CAMK2B: variants seen among roughly 807,000 people sequenced by gnomAD.
The protein encoded by CAMK2B is calcium/calmodulin-dependent protein kinase type II subunit beta.
CAMK2B carries 27 observed loss-of-function variants against 93.7 expected under a neutral mutation model. The observed-to-expected ratio is 0.29, with a 90% CI of 0.21 to 0.40. CAMK2B has a LOEUF of 0.40. Among genes scored for constraint, CAMK2B ranks in the 10% least tolerant of loss-of-function variants. The pLI, the probability that CAMK2B is intolerant of heterozygous loss-of-function variation, is 1.00. For missense variants in CAMK2B, 568 were observed against 895.8 expected (o/e 0.63, Z 4.67); for synonymous variants, 374 against 358.8 (o/e 1.04, Z -0.48).
chr7:44,233,583 C>A (rs946385451), intron 15 of CAMK2B, among the ~76,000 whole-genome samples: 1 of 152,146 alleles, frequency 6.6e-6, no homozygotes, highest in Admixed American at 6.5e-5. Context: ...CAGCAAGCCC[C>A]AAAGCTCTTA....
In CAMK2B at chr7:44,220,171, C is replaced by T. The variant is rs375830029; in HGVS notation, c.1892G>A (p.Arg631Gln). ...CTCCTCAGACTGGCTGGTGCGGGGC[C>T]GGCCCTGCCCGTCAATGTACTGCGT... is the stretch of plus-strand genomic sequence containing the variant. ...RLTQYIDGQG[R>Q]PRTSQSEETR... The change falls in exon 23 of 24, where the codon CGG (arginine) becomes CAG (glutamine). Residue 631 changes from arginine (R) to glutamine (Q), a missense_variant. Transcript: ENST00000395749. 9.3e-6 allele frequency: 15 copies of T among 1,611,782 alleles called. No homozygotes were observed. The highest frequency in any genetic ancestry group is 2.2e-5 in the East Asian group (1 of 44,828).
At chr7:44,294,740 G>T (rs903265380) in intron 1 of CAMK2B, among the ~76,000 whole-genome samples, 4 of 152,102 alleles carry the variant, frequency 2.6e-5, no homozygotes, top group Admixed American at 6.5e-5. Context: ...CCATATATAG[G>T]CTGGTGTATG....
At chr7:44,252,024 G>T (rs1411126822) in intron 5 of CAMK2B, among the ~76,000 whole-genome samples, 1 of 152,216 alleles carries the variant, frequency 6.6e-6, no homozygotes, top group Non-Finnish European at 1.5e-5. Flanking sequence ...GCACCCCAGG[G>T]CCCGCCACGG....
intron 5 of CAMK2B, among the ~76,000 whole-genome samples, chr7:44,250,335 A>T (rs1422001285): frequency 6.6e-6 from 1 of 152,204 alleles, no homozygotes; most frequent in East Asian, 1.9e-4. Context: ...TTCTCTAGGA[A>T]GGGCCGATCC....
chr7:44,234,734 G>A lies in CAMK2B; in HGVS notation c.1022-58C>T, dbSNP rs572697362. 1.2e-4 allele frequency: 192 copies of A among 1,562,176 alleles called. No homozygotes were observed. In the East Asian group the frequency reaches 3.3e-3, roughly 27 times the overall value. ...TGATGGGCCTGGGTCTCGCTGCAGC[G>A]CAACCCCACCCCTTTGCCTGACCCC... On this transcript the variant is annotated intron_variant, in intron 13 of 23. Transcript: ENST00000395749.
intron 8 of CAMK2B, 60 bp from the exon 9 acceptor site, chr7:44,242,714 C>T: frequency 8.4e-7 from 1 of 1,194,252 alleles, no homozygotes; most frequent in South Asian, 1.3e-5. Flanking sequence ...CCATGAAGCC[C>T]ATGCCCTGCA....
At chr7:44,256,350 T>C (rs921547877) in intron 4 of CAMK2B, among the ~76,000 whole-genome samples, 1 of 152,016 alleles carries the variant, frequency 6.6e-6, no homozygotes, top group Non-Finnish European at 1.5e-5. Context: ...TGTGAGCACA[T>C]GTGCATGTGT....
At chr7:44,263,148 A>G in intron 2 of CAMK2B, 84 bp from the exon 3 acceptor site, 1 of 1,245,910 alleles carries the variant, frequency 8.0e-7, no homozygotes, top group Non-Finnish European at 1.2e-6. Flanking sequence ...GAGGCCCACA[A>G]GGGTGTGCCA....
intron 5 of CAMK2B, among the ~76,000 whole-genome samples, chr7:44,249,522 G>C (rs1562899498): frequency 6.6e-6 from 1 of 152,180 alleles, no homozygotes; most frequent in Non-Finnish European, 1.5e-5. Context: ...CCTGGGAAGG[G>C]CATAGATCTT....
chr7:44,240,859 T>G (rs2096671413), intron 11 of CAMK2B, 110 bp from the exon 12 acceptor site: 1 of 1,169,686 alleles, frequency 8.5e-7, no homozygotes, highest in South Asian at 1.3e-5. Flanking sequence ...CTCATTGTCA[T>G]GAGGCTGACA....
At chr7:44,258,477 CAT>C (rs1453464650) in intron 4 of CAMK2B, among the ~76,000 whole-genome samples, 3 of 152,356 alleles carry the variant, frequency 2.0e-5, no homozygotes, top group Admixed American at 1.3e-4. Flanking sequence ...TAAACACACA[CAT>C]GTGCACTCAC....
chr7:44,240,786 T>A (rs763161724), intron 11 of CAMK2B, 37 bp from the exon 12 acceptor site: 36 of 1,607,496 alleles, frequency 2.2e-5, no homozygotes, highest in Non-Finnish European at 3.0e-5. Flanking sequence ...GGCTATCCCA[T>A]CAGTGTTCCC....
chr7:44,278,998 A>G (rs2097078086), intron 2 of CAMK2B, among the ~76,000 whole-genome samples: 1 of 152,268 alleles, frequency 6.6e-6, no homozygotes, highest in South Asian at 2.1e-4. Context: ...CACCAAGGGC[A>G]GACAACCCAA....
Position 44,226,645 on chromosome 7 carries a change from C to G in CAMK2B, c.1469-1G>C. On this transcript the variant is annotated splice_acceptor_variant, in intron 19 of 23. Transcript: ENST00000395749. LOFTEE classifies it high-confidence loss of function. ...TTCAGGATGTCAGAGATCCTGGGGG[C>G]TGGGGCGGAACAGACGAGACGTGAA... 1 of 1,539,338 alleles carries G rather than the reference C, an allele frequency of 6.5e-7. No homozygotes were observed. Among genetic ancestry groups the G allele is most frequent in the Non-Finnish European group, 8.7e-7 (1 of 1,151,622 alleles).
chr7:44,303,015 A>G (rs58872871), intron 1 of CAMK2B, among the ~76,000 whole-genome samples: 1 of 152,194 alleles, frequency 6.6e-6, no homozygotes, highest in African/African-American at 2.4e-5. Context: ...CCAAAGAATC[A>G]ACAAAAAAAT....
intron 1 of CAMK2B, among the ~76,000 whole-genome samples, chr7:44,288,531 G>A (rs540610141): frequency 6.6e-6 from 1 of 152,346 alleles, no homozygotes; most frequent in African/African-American, 2.4e-5. Context: ...TGCATGGGAC[G>A]AATGCTACTG....
chr7:44,242,087 G>A (rs2096685206), intron 10 of CAMK2B, 131 bp downstream of exon 10: 1 of 1,088,964 alleles, frequency 9.2e-7, no homozygotes, highest in East Asian at 2.4e-5. Context: ...GCCACAAGGA[G>A]CACCCAGGGG....
intron 2 of CAMK2B, among the ~76,000 whole-genome samples, chr7:44,274,083 C>T (rs991022398): frequency 6.6e-6 from 1 of 152,184 alleles, no homozygotes; most frequent in Non-Finnish European, 1.5e-5. Context: ...TCCGCCCTCC[C>T]CAGCAGGAGA....
rs1017483376 is a variant in CAMK2B, at chr7:44,248,202, A to G, written c.342-1010T>C. Among the ~76,000 whole-genome samples, 1 of 151,956 alleles carries G rather than the reference A, an allele frequency of 6.6e-6. No individual in the cohort carries two copies. The highest frequency in any genetic ancestry group is 1.5e-5 in the Non-Finnish European group (1 of 67,958). On this transcript the variant is annotated intron_variant, in intron 5 of 23. Transcript: ENST00000395749. This position sits in a 1 kb window ranked among gnomAD's most constrained non-coding sequence, Gnocchi z 4.1. ...CTGAGCACACGGAGCTTCCCCTTCA[A>G]CCCTTCCTCTCATAGTCAGGGAGGG...
Sources: allele counts gnomAD v4.1 joint callset (sites outside exome capture counted in the v4.1 genomes callset), GRCh38; gene constraint gnomAD v4.1.1; non-coding constraint Gnocchi (gnomAD v3.1); transcripts MANE v1.5; gene names NCBI Gene and HGNC (gene_info 2026-07-23, HGNC 2026-07-21).